GRM8: variants seen among roughly 807,000 people sequenced by gnomAD.
GRM8 encodes glutamate metabotropic receptor 8, also known as metabotropic glutamate receptor 8.
In GRM8, 47 loss-of-function variants were observed where a neutral mutation model predicts 87.2. The observed-to-expected ratio is 0.54, with a 90% CI of 0.43 to 0.69. The LOEUF (loss-of-function observed/expected upper bound fraction) is 0.69, where lower values mean the gene tolerates loss of function less well. GRM8 is among the 30% of genes least tolerant of loss of function. The pLI, the probability that GRM8 is intolerant of heterozygous loss-of-function variation, is 0.00. For missense variants in GRM8, 1,019 were observed against 1,139.2 expected, an observed-to-expected ratio of 0.89 and a Z score of 1.52; for synonymous variants, 396 against 404.5, an observed-to-expected ratio of 0.98 and a Z score of 0.25.
chr7:126,893,615 T>C (rs1297012803), intron 6 of GRM8, among the ~76,000 whole-genome samples: 1 of 152,002 alleles, frequency 6.6e-6, no homozygotes, highest in East Asian at 1.9e-4. Flanking sequence ...GCTAAGCATA[T>C]GCTAAGTCCT....
intron 6 of GRM8, among the ~76,000 whole-genome samples, chr7:126,887,301 T>G (rs1362134305): frequency 6.6e-6 from 1 of 152,110 alleles, no homozygotes; most frequent in African/African-American, 2.4e-5. Flanking sequence ...GGTGTCTTTG[T>G]AGTGAATCTA....
intron 2 of GRM8, among the ~76,000 whole-genome samples, chr7:127,143,773 G>T (rs546532253): frequency 6.6e-6 from 1 of 152,104 alleles, no homozygotes; most frequent in African/African-American, 2.4e-5. Context: ...TATTTTACAG[G>T]CCTATGCTTC....
chr7:126,912,895 G>T (rs1047430618), intron 3 of GRM8, among the ~76,000 whole-genome samples: 1 of 152,144 alleles, frequency 6.6e-6, no homozygotes, highest in Admixed American at 6.5e-5. Flanking sequence ...AAGACGTCTT[G>T]TTGCACAAAC....
chr7:126,668,022 T>C (rs1170519380), intron 7 of GRM8, among the ~76,000 whole-genome samples: 1 of 152,132 alleles, frequency 6.6e-6, no homozygotes, highest in Non-Finnish European at 1.5e-5. Context: ...AAGGGGTGCC[T>C]GGAGAAACTC....
chr7:126,794,071 G>GA (rs1179839423), intron 6 of GRM8, among the ~76,000 whole-genome samples: 1 of 151,482 alleles, frequency 6.6e-6, no homozygotes, highest in Non-Finnish European at 1.5e-5. Context: ...TTTTCTTTAA[G>GA]AAAAATATCG....
intron 2 of GRM8, among the ~76,000 whole-genome samples, chr7:127,192,127 C>A (rs1403612298): frequency 1.3e-5 from 2 of 152,156 alleles, no homozygotes; most frequent in East Asian, 3.8e-4. Context: ...AAGAGATCTA[C>A]ACAATATTCT....
chr7:127,188,439 A>C (rs1488715959), intron 2 of GRM8, among the ~76,000 whole-genome samples: 2 of 152,148 alleles, frequency 1.3e-5, no homozygotes, highest in African/African-American at 4.8e-5. Flanking sequence ...CCCCATGCCG[A>C]TGCCATGCCC....
chr7:126,896,851 T>C (rs1801594063), intron 6 of GRM8, among the ~76,000 whole-genome samples: 1 of 152,122 alleles, frequency 6.6e-6, no homozygotes, highest in Admixed American at 6.6e-5. Context: ...AGTGCCCCAG[T>C]CTCCTGGCTG....
chr7:126,603,998 A>C (rs560351150), intron 8 of GRM8, among the ~76,000 whole-genome samples: 27 of 148,564 alleles, frequency 1.8e-4, no homozygotes, highest in African/African-American at 6.8e-4. Context: ...TTTGCATTAA[A>C]AAAAAACAGT....
intron 8 of GRM8, among the ~76,000 whole-genome samples, chr7:126,598,957 C>A (rs544609599): frequency 6.6e-6 from 1 of 152,058 alleles, no homozygotes; most frequent in African/African-American, 2.4e-5. Flanking sequence ...AGAAACTGAG[C>A]CTTTATCTAG....
At chr7:126,485,154 C>T (rs554688758) in intron 9 of GRM8, among the ~76,000 whole-genome samples, 1 of 152,130 alleles carries the variant, frequency 6.6e-6, no homozygotes, top group African/African-American at 2.4e-5. Context: ...CATTTTTAAG[C>T]ATTAACTATG....
chr7:126,585,557 T>C (rs1796025270), intron 8 of GRM8, among the ~76,000 whole-genome samples: 1 of 152,158 alleles, frequency 6.6e-6, no homozygotes. Flanking sequence ...ATCCCGCATA[T>C]AAACAGAATC....
intron 3 of GRM8, among the ~76,000 whole-genome samples, chr7:126,906,517 G>T (rs964257775): frequency 6.6e-6 from 1 of 152,076 alleles, no homozygotes; most frequent in Non-Finnish European, 1.5e-5. Context: ...ATTTCAAAGA[G>T]ACTAAGACAT....
chr7:127,029,602 T>G (rs1479500285), intron 3 of GRM8, among the ~76,000 whole-genome samples: 1 of 152,128 alleles, frequency 6.6e-6, no homozygotes, highest in Non-Finnish European at 1.5e-5. Context: ...CTTCTTTGCC[T>G]CTTTTGATCT....
chr7:126,768,989 C>T (rs1563169014), intron 7 of GRM8, among the ~76,000 whole-genome samples: 1 of 150,760 alleles, frequency 6.6e-6, no homozygotes, highest in Non-Finnish European at 1.5e-5. Flanking sequence ...TGACCTCGTG[C>T]TTTTCTGAGA....
intron 2 of GRM8, among the ~76,000 whole-genome samples, chr7:127,186,109 G>C (rs1369182882): frequency 6.6e-6 from 1 of 152,156 alleles, no homozygotes; most frequent in Non-Finnish European, 1.5e-5. Flanking sequence ...GTGGAGAACA[G>C]AGACACAGAC....
intron 7 of GRM8, among the ~76,000 whole-genome samples, chr7:126,747,455 G>T (rs1471390245): frequency 6.6e-6 from 1 of 151,836 alleles, no homozygotes; most frequent in South Asian, 2.1e-4. Context: ...TTTGGATAAA[G>T]ATTTTATAAT....
intron 7 of GRM8, among the ~76,000 whole-genome samples, chr7:126,621,538 C>T (rs1800175420): frequency 6.6e-6 from 1 of 152,110 alleles, no homozygotes; most frequent in African/African-American, 2.4e-5. Context: ...CCTGTCTAAG[C>T]TTCCTGAGTA....
chr7:126,647,286 AATAGATGG>A (rs758056937), intron 7 of GRM8, among the ~76,000 whole-genome samples: 1 of 139,260 alleles, frequency 7.2e-6, no homozygotes, highest in Non-Finnish European at 1.5e-5. Context: ...TCTCTACATA[AATAGATGG>A]ATAGATAGAT....
Sources: gnomAD v4.1 joint callset for allele counts (sites outside exome capture counted in the v4.1 genomes callset) on GRCh38, gnomAD v4.1.1 for gene constraint, MANE v1.5 for transcripts, NCBI Gene and HGNC (gene_info 2026-07-23, HGNC 2026-07-21) for gene names.